CACNA2D3: variants seen among roughly 807,000 people sequenced by gnomAD.
CACNA2D3 encodes the protein calcium voltage-gated channel auxiliary subunit alpha2delta 3.
A neutral mutation model predicts 160.6 loss-of-function variants in CACNA2D3; 60 were observed. The ratio of observed to expected loss-of-function variants is 0.37; its 90% confidence interval spans 0.30 to 0.46. The LOEUF is 0.46. Ranked by LOEUF, CACNA2D3 falls within the 20% of genes least tolerant of loss-of-function variation. CACNA2D3 has a pLI of 1.00. For missense variants in CACNA2D3, 1,205 were observed against 1,365.0 expected (o/e 0.88, Z 1.85); for synonymous variants, 558 against 492.9 (o/e 1.13, Z -1.75).
At chr3:54,702,311 A>G (rs1184801973) in intron 11 of CACNA2D3, among the ~76,000 whole-genome samples, 1 of 152,220 alleles carries the variant, frequency 6.6e-6, no homozygotes, top group Non-Finnish European at 1.5e-5. Context: ...TTATCAACAA[A>G]GTAAACAGAC....
chr3:54,999,418 G>A (rs772456263), intron 31 of CACNA2D3, among the ~76,000 whole-genome samples: 7 of 152,046 alleles, frequency 4.6e-5, no homozygotes, highest in Admixed American at 1.3e-4. Flanking sequence ...ATTTTATAGC[G>A]CAACAAAGAA....
At chr3:54,604,194 T>A (rs1703116549) in intron 9 of CACNA2D3, among the ~76,000 whole-genome samples, 1 of 152,206 alleles carries the variant, frequency 6.6e-6, no homozygotes, top group East Asian at 1.9e-4. Flanking sequence ...ATTTGCCCAT[T>A]GATTCAACAA....
chr3:54,469,117 A>G (rs201147917), intron 4 of CACNA2D3, among the ~76,000 whole-genome samples: 7 of 152,114 alleles, frequency 4.6e-5, no homozygotes, highest in Admixed American at 1.3e-4. Flanking sequence ...CCTGAACCCT[A>G]TTCCCCCTGA....
intron 11 of CACNA2D3, among the ~76,000 whole-genome samples, chr3:54,664,219 A>C (rs1700024077): frequency 6.6e-6 from 1 of 152,212 alleles, no homozygotes; most frequent in African/African-American, 2.4e-5. Context: ...ACCAGTGAGC[A>C]TAACCTGCCC....
chr3:54,330,148 C>T lies in CACNA2D3; in HGVS notation c.321+9590C>T, dbSNP rs149270711. Among the ~76,000 whole-genome samples, 508 of 151,846 alleles carry T rather than the reference C, an allele frequency of 3.3e-3. 2 individuals carry two copies. The highest frequency in any genetic ancestry group is 0.012 in the African/African-American group (491 of 41,370). Reference sequence around the variant, plus strand: ...CTGGCAGCCTGAATAGATGAACATGCAAGGCTTTGTACTATCAGGGGTAAA... The same window carrying T: ...CTGGCAGCCTGAATAGATGAACATGTAAGGCTTTGTACTATCAGGGGTAAA... On this transcript the variant is annotated intron_variant, in intron 3 of 37. Transcript: ENST00000474759.
At chr3:54,954,690 T>C (rs1701837421) in intron 27 of CACNA2D3, among the ~76,000 whole-genome samples, 1 of 152,180 alleles carries the variant, frequency 6.6e-6, no homozygotes, top group Admixed American at 6.5e-5. Context: ...TGCCCTGAGA[T>C]TCCCCAGGCC....
chr3:54,605,268 G>A (rs1479508697), intron 9 of CACNA2D3, among the ~76,000 whole-genome samples: 1 of 152,094 alleles, frequency 6.6e-6, no homozygotes, highest in Non-Finnish European at 1.5e-5. Context: ...GAGGATTAGG[G>A]CTTCAGTGTA....
chr3:54,801,189 T>C (rs936032755), intron 13 of CACNA2D3, among the ~76,000 whole-genome samples: 2 of 152,072 alleles, frequency 1.3e-5, no homozygotes, highest in African/African-American at 4.8e-5. Context: ...GGTTTCACCA[T>C]GTTGGCCAGG....
intron 3 of CACNA2D3, among the ~76,000 whole-genome samples, chr3:54,380,006 A>G (rs1699073132): frequency 6.6e-6 from 1 of 152,212 alleles, no homozygotes; most frequent in Non-Finnish European, 1.5e-5. Flanking sequence ...CTACACTGTT[A>G]ACGGAGTGAT....
Position 54,897,032 on chromosome 3 carries a change from A to AT in CACNA2D3, c.2368+163dup, listed in dbSNP as rs1252068344. On this transcript the variant is annotated intron_variant, in intron 26 of 37. Coordinates refer to ENST00000474759, the MANE Select transcript of CACNA2D3 (RefSeq NM_018398.3). ...CAGCCCTGAACCAGTGACCAGTTCC[A>AT]TAAGAGTAATAGCCTCAAAGAAAAG... 1.8e-5 allele frequency: 13 copies of AT among 716,050 alleles called. No homozygotes were observed. The African/African-American group carries it at 2.1e-4, about 12-fold the overall frequency. 44.4% of individuals were successfully genotyped at this position (716,050 alleles called of 1,614,324 possible). A position where few individuals can be genotyped will look rare whatever the true frequency, so the allele number is the denominator to read the frequency against.
intron 3 of CACNA2D3, among the ~76,000 whole-genome samples, chr3:54,351,639 C>G (rs998343865): frequency 6.6e-6 from 1 of 152,102 alleles, no homozygotes; most frequent in Non-Finnish European, 1.5e-5. Context: ...AGTTGGTAAC[C>G]TCCTCTTTAA....
At chr3:54,552,642 C>G (rs1702177338) in intron 5 of CACNA2D3, among the ~76,000 whole-genome samples, 1 of 152,090 alleles carries the variant, frequency 6.6e-6, no homozygotes, top group Admixed American at 6.5e-5. Context: ...TGGAAAGGGC[C>G]ACACATAGTG....
chr3:54,336,165 G>A (rs55719584), intron 3 of CACNA2D3, among the ~76,000 whole-genome samples: 2 of 151,964 alleles, frequency 1.3e-5, no homozygotes, highest in African/African-American at 4.8e-5. Context: ...GCTCCCATCT[G>A]TATAGTCTTC....
intron 10 of CACNA2D3, among the ~76,000 whole-genome samples, chr3:54,635,004 G>A (rs1425958744): frequency 6.6e-6 from 1 of 151,868 alleles, no homozygotes; most frequent in African/African-American, 2.4e-5. Flanking sequence ...AAATTTTTGT[G>A]GAGTGGTATG....
intron 12 of CACNA2D3, among the ~76,000 whole-genome samples, chr3:54,754,932 T>C (rs1217895351): frequency 6.6e-6 from 1 of 152,162 alleles, no homozygotes; most frequent in Non-Finnish European, 1.5e-5. Flanking sequence ...AAGGGAAGCT[T>C]GGGTCTCACA....
chr3:54,811,465 CTTTTTTTTTTTTTT>C (rs71096451), intron 13 of CACNA2D3, among the ~76,000 whole-genome samples: 67,113 of 111,722 alleles, frequency 0.6, 19,980 homozygotes, highest in Middle Eastern at 0.67. Flanking sequence ...TCCCTCAGTT[CTTTTTTTTTTTTTT>C]TTTTTTTTTT....
chr3:54,570,181 C>G, intron 8 of CACNA2D3, 77 bp downstream of exon 8: 4 of 1,414,280 alleles, frequency 2.8e-6, no homozygotes, highest in Non-Finnish European at 3.9e-6. Context: ...ACATTGCTCT[C>G]GCTGTTAGAT....
chr3:54,738,393 G>C (rs1701574817), intron 11 of CACNA2D3, among the ~76,000 whole-genome samples: 1 of 152,152 alleles, frequency 6.6e-6, no homozygotes, highest in Non-Finnish European at 1.5e-5. Context: ...AGAGCCATTG[G>C]CTTTGATCAG....
chr3:54,509,638 T>G (rs1261363845), intron 5 of CACNA2D3, among the ~76,000 whole-genome samples: 2 of 152,138 alleles, frequency 1.3e-5, no homozygotes. Flanking sequence ...CCAGGAAACT[T>G]TCCCAAGATG....
Sources: allele counts gnomAD v4.1 joint callset (sites outside exome capture counted in the v4.1 genomes callset), GRCh38; gene constraint gnomAD v4.1.1; transcripts MANE v1.5; gene names NCBI Gene and HGNC (gene_info 2026-07-23, HGNC 2026-07-21).